NSMCE2: variants seen among roughly 807,000 people sequenced by gnomAD.
NSMCE2 encodes the protein E3 SUMO-protein ligase NSE2.
A neutral mutation model predicts 23.8 loss-of-function variants in NSMCE2; 24 were observed. The ratio of observed to expected loss-of-function variants is 1.01; its 90% CI spans 0.73 to 1.42. NSMCE2 has a LOEUF of 1.42. Ranked by LOEUF, NSMCE2 falls within the 40% of genes most tolerant of loss-of-function variation. The pLI is 0.00. For missense variants in NSMCE2, 284 were observed against 296.5 expected, an observed-to-expected ratio of 0.96 and a Z score of 0.31; for synonymous variants, 92 against 94.1, an observed-to-expected ratio of 0.98 and a Z score of 0.13.
intron 5 of NSMCE2, among the ~76,000 whole-genome samples, chr8:125,202,501 AAT>A (rs1194907729): frequency 6.6e-6 from 1 of 152,252 alleles, no homozygotes; most frequent in East Asian, 1.9e-4. Context: ...ACAACCAAGT[AAT>A]AGTTTGTGGT....
chr8:125,201,613 C>T (rs1823878653), intron 5 of NSMCE2, among the ~76,000 whole-genome samples: 1 of 152,204 alleles, frequency 6.6e-6, no homozygotes, highest in African/African-American at 2.4e-5. Flanking sequence ...TCAGTCCCTA[C>T]TGGGAGTTGT....
At chr8:125,118,342 C>T (rs964101100) in intron 3 of NSMCE2, among the ~76,000 whole-genome samples, 2 of 152,026 alleles carry the variant, frequency 1.3e-5, no homozygotes, top group Admixed American at 6.6e-5. Flanking sequence ...GATTACACCA[C>T]CGCACTCCAG....
At chr8:125,345,227 C>T (rs2131336594) in intron 5 of NSMCE2, among the ~76,000 whole-genome samples, 1 of 151,150 alleles carries the variant, frequency 6.6e-6, no homozygotes, top group South Asian at 2.1e-4. Context: ...ACCAATGTGA[C>T]CTCCGTCGTC....
intron 5 of NSMCE2, among the ~76,000 whole-genome samples, chr8:125,328,844 C>G (rs1327305114): frequency 8.6e-6 from 1 of 116,870 alleles, no homozygotes; most frequent in Non-Finnish European, 2.1e-5. Flanking sequence ...GAAATAATAT[C>G]CAAGGTCATT....
In NSMCE2 at chr8:125,239,960, C is replaced by T. The variant is rs540648433; in HGVS notation, c.418+57704C>T. Among the ~76,000 whole-genome samples the T allele has an allele frequency of 3.9e-5, 6 of 152,208 alleles. No individual in the cohort carries two copies. The South Asian group carries it at 1.0e-3, about 26-fold the overall frequency. On this transcript the variant is annotated intron_variant, in intron 5 of 7. Coordinates refer to ENST00000287437, the MANE Select transcript of NSMCE2 (RefSeq NM_173685.4). ...CCACTCTGATCCCTGCCCCTTCTTG[C>T]TCATTGCTGAGGCCACTGTCAGCCT...
chr8:125,353,230 A>G (rs965207661), intron 5 of NSMCE2, among the ~76,000 whole-genome samples: 3 of 152,266 alleles, frequency 2.0e-5, no homozygotes, highest in African/African-American at 7.2e-5. Context: ...GTCAGAAACC[A>G]GCATCAGTTC....
At chr8:125,199,249 C>T (rs1417781016) in intron 5 of NSMCE2, among the ~76,000 whole-genome samples, 1 of 152,134 alleles carries the variant, frequency 6.6e-6, no homozygotes, top group Non-Finnish European at 1.5e-5. Context: ...TCTTGCTTCT[C>T]TAGTTCTTCT....
intron 5 of NSMCE2, among the ~76,000 whole-genome samples, chr8:125,238,468 CA>C (rs1402393504): frequency 6.6e-6 from 1 of 152,108 alleles, no homozygotes; most frequent in African/African-American, 2.4e-5. Flanking sequence ...GCACAGATAA[CA>C]GGGCAAATCC....
chr8:125,311,437 TAA>T (rs1405744431), intron 5 of NSMCE2, among the ~76,000 whole-genome samples: 2 of 152,216 alleles, frequency 1.3e-5, no homozygotes, highest in African/African-American at 4.8e-5. Flanking sequence ...ACATAGATAA[TAA>T]AAACATTTCA....
At chr8:125,239,306 A>G (rs1825672621) in intron 5 of NSMCE2, among the ~76,000 whole-genome samples, 2 of 152,180 alleles carry the variant, frequency 1.3e-5, no homozygotes, top group Non-Finnish European at 2.9e-5. Context: ...ATGTTACAAA[A>G]AAATAGCATT....
At chr8:125,142,896 C>G (rs1174884842) in intron 3 of NSMCE2, among the ~76,000 whole-genome samples, 20 of 152,162 alleles carry the variant, frequency 1.3e-4, no homozygotes, top group Admixed American at 1.2e-3. Context: ...GCCACCACAC[C>G]CAGCCATGTA....
intron 3 of NSMCE2, among the ~76,000 whole-genome samples, chr8:125,107,087 C>T (rs550915856): frequency 2.0e-5 from 3 of 151,832 alleles, no homozygotes; most frequent in Non-Finnish European, 2.9e-5. Flanking sequence ...CACAGGCTCA[C>T]TTTCTTCATT....
chr8:125,107,701 GAAAA>G (rs1029027086), intron 3 of NSMCE2, among the ~76,000 whole-genome samples: 4 of 152,032 alleles, frequency 2.6e-5, no homozygotes, highest in Non-Finnish European at 4.4e-5. Context: ...AAAAGAAAAA[GAAAA>G]ACAAACAAAC....
chr8:125,317,766 G>A (rs1162911498), intron 5 of NSMCE2, among the ~76,000 whole-genome samples: 1 of 152,112 alleles, frequency 6.6e-6, no homozygotes, highest in African/African-American at 2.4e-5. Context: ...TGTCATGTAT[G>A]TATACATCCA....
chr8:125,346,167 AAAG>A (rs1830430500), intron 5 of NSMCE2, among the ~76,000 whole-genome samples: 1 of 152,218 alleles, frequency 6.6e-6, no homozygotes, highest in South Asian at 2.1e-4. Context: ...CAAAAAAAAA[AAAG>A]AAGGCCATGT....
intron 5 of NSMCE2, among the ~76,000 whole-genome samples, chr8:125,298,942 C>T (rs1828443295): frequency 6.6e-6 from 1 of 152,140 alleles, no homozygotes; most frequent in Admixed American, 6.5e-5. Flanking sequence ...AGTTGTTCCT[C>T]CGATCCTTAA....
At chr8:125,119,784 A>G (rs1819182504) in intron 3 of NSMCE2, among the ~76,000 whole-genome samples, 1 of 152,146 alleles carries the variant, frequency 6.6e-6, no homozygotes, top group South Asian at 2.1e-4. Context: ...AGCTAAACCA[A>G]CTTGATTATT....
At chr8:125,322,513 A>T (rs1224440617) in intron 5 of NSMCE2, among the ~76,000 whole-genome samples, 1 of 152,224 alleles carries the variant, frequency 6.6e-6, no homozygotes, top group East Asian at 1.9e-4. Flanking sequence ...CCTACATATA[A>T]CATCATACTT....
chr8:125,210,954 G>T (rs1313704219), intron 5 of NSMCE2, among the ~76,000 whole-genome samples: 4 of 151,746 alleles, frequency 2.6e-5, no homozygotes, highest in Non-Finnish European at 5.9e-5. Context: ...GCTGGTCTTG[G>T]ACCCCTGGCC....
Sources: allele counts gnomAD v4.1 joint callset (sites outside exome capture counted in the v4.1 genomes callset), GRCh38; gene constraint gnomAD v4.1.1; transcripts MANE v1.5; gene names NCBI Gene and HGNC (gene_info 2026-07-23, HGNC 2026-07-21).